Variants in LRRTM4 observed in about 807,000 individuals in gnomAD.
LRRTM4 encodes leucine-rich repeat transmembrane neuronal protein 4.
Under a neutral mutation model 47.6 loss-of-function variants are expected in LRRTM4, and 25 were observed. The ratio of observed to expected loss-of-function variants is 0.53; its 90% confidence interval spans 0.38 to 0.73. The LOEUF (loss-of-function observed/expected upper bound fraction) is 0.73, where lower values mean the gene tolerates loss of function less well. LRRTM4 is among the 30% of genes least tolerant of loss of function. The pLI is 0.00. For synonymous variants in LRRTM4, 311 were observed against 269.5 expected (o/e 1.15, Z -1.51); for missense variants, 638 against 713.4 (o/e 0.89, Z 1.20).
intron 3 of LRRTM4, among the ~76,000 whole-genome samples, chr2:77,148,043 A>G (rs1472326230): frequency 1.3e-5 from 2 of 152,188 alleles, no homozygotes; most frequent in Admixed American, 6.5e-5. Flanking sequence ...CCTAATTTAT[A>G]TGATCAAAGC....
intron 3 of LRRTM4, among the ~76,000 whole-genome samples, chr2:76,907,668 T>C (rs138961887): frequency 0.32 from 31,703 of 98,066 alleles, 9,109 homozygotes; most frequent in African/African-American, 0.63. Context: ...GATATCACCA[T>C]CGATACCACA....
intron 3 of LRRTM4, among the ~76,000 whole-genome samples, chr2:76,774,984 C>A (rs1007212445): frequency 5.3e-5 from 8 of 152,166 alleles, no homozygotes; most frequent in African/African-American, 1.7e-4. Context: ...AAGCACTCAT[C>A]TCCATAAAGT....
intron 3 of LRRTM4, among the ~76,000 whole-genome samples, chr2:76,794,009 A>AATAGT (rs764026918): frequency 1.3e-5 from 2 of 152,322 alleles, no homozygotes; most frequent in East Asian, 3.9e-4. Context: ...GTGTGTCTCT[A>AATAGT]ATAGTAATCT....
chr2:77,444,290 A>G (rs2103936474), intron 3 of LRRTM4, among the ~76,000 whole-genome samples: 1 of 152,286 alleles, frequency 6.6e-6, no homozygotes, highest in African/African-American at 2.4e-5. Context: ...AGCAAGTCAC[A>G]TAGTGACAAA....
intron 3 of LRRTM4, among the ~76,000 whole-genome samples, chr2:77,366,613 T>C (rs1214704938): frequency 6.6e-6 from 1 of 151,852 alleles, no homozygotes; most frequent in Non-Finnish European, 1.5e-5. Flanking sequence ...TCATCAAAAA[T>C]AAATCCATAA....
chr2:77,276,884 G>A (rs1340246185), intron 3 of LRRTM4, among the ~76,000 whole-genome samples: 2 of 151,338 alleles, frequency 1.3e-5, no homozygotes, highest in Admixed American at 6.6e-5. Flanking sequence ...AATGTTAAGT[G>A]GGGAAATAAT....
Position 77,307,019 on chromosome 2 carries a change from C to A in LRRTM4, c.1551+211299G>T, listed in dbSNP as rs566379029. 3.8e-3 allele frequency among the ~76,000 whole-genome samples: 572 copies of A among 150,840 alleles called. 5 individuals carry two copies. Among genetic ancestry groups the A allele is most frequent in the African/African-American group, 0.013 (533 of 40,764 alleles). ...GGTTCACACCATTCTCCTGCCTCAG[C>A]CTCCCGCGTAGCTGGGACTACAGGC... On this transcript the variant is annotated intron_variant, in intron 3 of 3. Transcript: ENST00000409884.
intron 3 of LRRTM4, among the ~76,000 whole-genome samples, chr2:77,266,105 G>A (rs1045466477): frequency 3.3e-5 from 5 of 152,118 alleles, no homozygotes; most frequent in East Asian, 1.9e-4. Flanking sequence ...GGCTACTTTT[G>A]TACTGTAATA....
intron 3 of LRRTM4, among the ~76,000 whole-genome samples, chr2:77,489,697 C>T (rs1269441844): frequency 6.6e-6 from 1 of 152,158 alleles, no homozygotes; most frequent in African/African-American, 2.4e-5. Flanking sequence ...TGTAGCTGGA[C>T]AGACCAATGT....
intron 3 of LRRTM4, among the ~76,000 whole-genome samples, chr2:77,264,123 T>TA (rs1406217272): frequency 1.3e-5 from 2 of 152,068 alleles, no homozygotes; most frequent in African/African-American, 4.8e-5. Flanking sequence ...CACGCATCCA[T>TA]AAAAAATACC....
chr2:77,347,910 A>G (rs996035399), intron 3 of LRRTM4, among the ~76,000 whole-genome samples: 4 of 152,048 alleles, frequency 2.6e-5, no homozygotes, highest in African/African-American at 9.7e-5. Flanking sequence ...AAGCATGTAC[A>G]TAATTAATGA....
chr2:76,780,709 C>T (rs917592844), intron 3 of LRRTM4, among the ~76,000 whole-genome samples: 1 of 152,018 alleles, frequency 6.6e-6, no homozygotes, highest in Non-Finnish European at 1.5e-5. Context: ...TTTCAATGTC[C>T]TCCCGTAGCT....
intron 3 of LRRTM4, among the ~76,000 whole-genome samples, chr2:76,913,869 A>C (rs1379196866): frequency 6.6e-6 from 1 of 152,050 alleles, no homozygotes; most frequent in Non-Finnish European, 1.5e-5. Context: ...TATTTATTAG[A>C]AGTATTAGAA....
At chr2:77,202,038 C>T (rs188097671) in intron 3 of LRRTM4, among the ~76,000 whole-genome samples, 172 of 152,170 alleles carry the variant, frequency 1.1e-3, no homozygotes, top group African/African-American at 3.9e-3. Context: ...TTTAAGTCCC[C>T]GGCATTGTGC....
chr2:77,380,798 A>G (rs1164910402), intron 3 of LRRTM4, among the ~76,000 whole-genome samples: 2 of 150,550 alleles, frequency 1.3e-5, no homozygotes, highest in Non-Finnish European at 3.0e-5. Flanking sequence ...TCCATCTCGA[A>G]AAAAAAAAAG....
chr2:76,770,085 T>G (rs780138513), intron 3 of LRRTM4, among the ~76,000 whole-genome samples: 1 of 152,142 alleles, frequency 6.6e-6, no homozygotes, highest in Non-Finnish European at 1.5e-5. Context: ...CCAGATGTAG[T>G]CAATCAGTCT....
chr2:77,320,473 A>G (rs905134935), intron 3 of LRRTM4, among the ~76,000 whole-genome samples: 5 of 152,188 alleles, frequency 3.3e-5, no homozygotes, highest in Admixed American at 1.3e-4. Context: ...TGAAATTACA[A>G]TTATTATAAA....
chr2:76,939,358 G>C (rs1675059048), intron 3 of LRRTM4, among the ~76,000 whole-genome samples: 1 of 152,046 alleles, frequency 6.6e-6, no homozygotes, highest in South Asian at 2.1e-4. Flanking sequence ...AAAGGCCTTA[G>C]AATCCACCAA....
chr2:77,284,475 A>T (rs1338900675), intron 3 of LRRTM4, among the ~76,000 whole-genome samples: 1 of 152,094 alleles, frequency 6.6e-6, no homozygotes, highest in African/African-American at 2.4e-5. Context: ...TAGATTTAAA[A>T]TTCCATTGGA....
Sources: allele counts gnomAD v4.1 joint callset (sites outside exome capture counted in the v4.1 genomes callset), GRCh38; gene constraint gnomAD v4.1.1; transcripts MANE v1.5; gene names NCBI Gene and HGNC (gene_info 2026-07-23, HGNC 2026-07-21).